The following ADAM12 variants were observed in gnomAD, a reference collection of about 807,000 sequenced individuals.
The protein encoded by ADAM12 is ADAM metallopeptidase domain 12.
In ADAM12, 70 loss-of-function variants were observed where a neutral mutation model predicts 106.4. The observed-to-expected ratio is 0.66, with a 90% CI of 0.54 to 0.80. ADAM12 has a LOEUF of 0.80. Among genes scored for constraint, ADAM12 ranks in the 30% least tolerant of loss-of-function variants. The pLI is 0.00. For missense variants in ADAM12, 1,010 were observed against 1,171.9 expected (o/e 0.86, Z 2.02); for synonymous variants, 420 against 433.5 (o/e 0.97, Z 0.39).
intron 6 of ADAM12, among the ~76,000 whole-genome samples, chr10:126,115,457 G>T (rs754586936): frequency 3.3e-5 from 5 of 152,186 alleles, no homozygotes; most frequent in Non-Finnish European, 7.3e-5. Context: ...AGCTGACTGT[G>T]ACGCTCCCTG....
Position 126,342,283 on chromosome 10 carries a change from A to C in ADAM12, c.89-11774T>G, listed in dbSNP as rs1042874193. 5.9e-5 allele frequency among the ~76,000 whole-genome samples: 9 copies of C among 152,194 alleles called. No individual in the cohort carries two copies. In the South Asian group the frequency reaches 1.7e-3, roughly 28 times the overall value. On this transcript the variant is annotated intron_variant, in intron 1 of 22. Coordinates refer to ENST00000448723, the MANE Select transcript of ADAM12 (RefSeq NM_001288973.2). The stretch of plus-strand genomic sequence containing the variant: ...AGGTAGGTGCTGACATGATTTTTAC[A>C]ACCTTTGATTTTCTAGCCATTGACT...
At chr10:126,368,990 T>C (rs1322918592) in intron 1 of ADAM12, among the ~76,000 whole-genome samples, 1 of 152,224 alleles carries the variant, frequency 6.6e-6, no homozygotes, top group Non-Finnish European at 1.5e-5. Flanking sequence ...TCACATTTTC[T>C]ACCCAATATG....
At chr10:126,082,363 GTTTTTTT>G (rs5788763) in intron 11 of ADAM12, among the ~76,000 whole-genome samples, 18 of 80,776 alleles carry the variant, frequency 2.2e-4, no homozygotes, top group East Asian at 1.9e-3. Context: ...TCTAATGACT[GTTTTTTT>G]TTTTTTTTTT....
intron 1 of ADAM12, among the ~76,000 whole-genome samples, chr10:126,376,237 T>C (rs1312529303): frequency 6.6e-6 from 1 of 152,190 alleles, no homozygotes; most frequent in African/African-American, 2.4e-5. Context: ...CACCTACCTA[T>C]GATTTGAATC....
At chr10:126,227,280 G>A (rs571370079) in intron 3 of ADAM12, among the ~76,000 whole-genome samples, 4 of 151,744 alleles carry the variant, frequency 2.6e-5, no homozygotes, top group East Asian at 3.9e-4. Context: ...CATCATCATC[G>A]TCACCATCAT....
chr10:126,115,757 AT>A (rs915696699), intron 6 of ADAM12, among the ~76,000 whole-genome samples: 19 of 151,832 alleles, frequency 1.3e-4, no homozygotes, highest in Admixed American at 3.3e-4. Flanking sequence ...CTTTCTATTG[AT>A]TTTTTTTTAA....
intron 3 of ADAM12, among the ~76,000 whole-genome samples, chr10:126,221,664 C>T (rs1958096941): frequency 6.6e-6 from 1 of 152,158 alleles, no homozygotes; most frequent in African/African-American, 2.4e-5. Context: ...GCTACTCATT[C>T]ATTGTTCGCA....
chr10:126,248,239 T>C (rs1958667940), intron 3 of ADAM12, among the ~76,000 whole-genome samples: 1 of 152,156 alleles, frequency 6.6e-6, no homozygotes, highest in South Asian at 2.1e-4. Flanking sequence ...CGACTTCACA[T>C]GTCAGGAATT....
intron 1 of ADAM12, among the ~76,000 whole-genome samples, chr10:126,340,936 T>G (rs985018272): frequency 6.6e-6 from 1 of 151,998 alleles, no homozygotes; most frequent in African/African-American, 2.4e-5. Flanking sequence ...AGGCTGGTCT[T>G]GAACTCCTGA....
intron 3 of ADAM12, among the ~76,000 whole-genome samples, chr10:126,182,164 G>A (rs1051980753): frequency 6.6e-6 from 1 of 152,192 alleles, no homozygotes; most frequent in Non-Finnish European, 1.5e-5. Context: ...GGTGGCTGGT[G>A]AGTTTCCTTT....
intron 1 of ADAM12, among the ~76,000 whole-genome samples, chr10:126,331,551 A>C (rs7081074): frequency 0.15 from 23,020 of 152,232 alleles, 2,123 homozygotes; most frequent in Middle Eastern, 0.28. Context: ...CCAAAGGATT[A>C]CTACTCCCGT....
intron 3 of ADAM12, among the ~76,000 whole-genome samples, chr10:126,170,751 T>C (rs1018454197): frequency 2.0e-5 from 3 of 152,250 alleles, no homozygotes; most frequent in Admixed American, 6.5e-5. Context: ...TTCTGTTTTC[T>C]TTGTTTTAAA....
In ADAM12 at chr10:126,049,988, G is replaced by GTAGGTGGCTGGC. The variant is rs1954435903; in HGVS notation, c.1610-320_1610-319insGCCAGCCACCTA. Reference sequence around the variant, plus strand: ...AGATCTGATCCAGGGCAGAAAGGAGGTGGCTGGCTGGCTGGCTGGCTGGCT... The same window carrying GTAGGTGGCTGGC: ...AGATCTGATCCAGGGCAGAAAGGAGGTAGGTGGCTGGCTGGCTGGCTGGCTGGCTGGCTGGCT... On this transcript the variant is annotated intron_variant, in intron 14 of 22. Transcript: ENST00000448723. This position sits in a 1 kb window ranked among gnomAD's most constrained non-coding sequence, Gnocchi z 4.4. Among the ~76,000 whole-genome samples the GTAGGTGGCTGGC allele has an allele frequency of 6.7e-6, 1 of 149,830 alleles. No individual in the cohort carries two copies. Among genetic ancestry groups the GTAGGTGGCTGGC allele is most frequent in the Non-Finnish European group, 1.5e-5 (1 of 67,350 alleles).
At chr10:126,377,006 T>C (rs1182004055) in intron 1 of ADAM12, among the ~76,000 whole-genome samples, 1 of 152,222 alleles carries the variant, frequency 6.6e-6, no homozygotes, top group African/African-American at 2.4e-5. Context: ...CATAGTTTGT[T>C]CAAGGTTTGG....
chr10:126,284,197 G>T (rs183787078), intron 2 of ADAM12, among the ~76,000 whole-genome samples: 1 of 151,988 alleles, frequency 6.6e-6, no homozygotes, highest in Admixed American at 6.5e-5. Flanking sequence ...GCTGGGTATG[G>T]TGCTGTGCTC....
chr10:126,068,529 A>G (rs574739635), intron 12 of ADAM12, among the ~76,000 whole-genome samples: 2 of 152,342 alleles, frequency 1.3e-5, no homozygotes, highest in African/African-American at 2.4e-5. Context: ...CTGGCATCCT[A>G]TTGACTTTAA....
At position 126,251,684 on chromosome 10, in the gene ADAM12, AGGATGGATGGGAT is replaced by A. The variant is rs1958764244; in HGVS notation, c.260+27218_260+27230del. ...GGAAGGATGGATGGATGGGATGGAG[AGGATGGATGGGAT>A]GGATGGATAGGATGGATGGATAGGA... On this transcript the variant is annotated intron_variant, in intron 3 of 22. Transcript: ENST00000448723. Among the ~76,000 whole-genome samples the A allele has an allele frequency of 2.9e-5, 4 of 138,124 alleles. No homozygotes were observed. The South Asian group carries it at 7.2e-4, about 25-fold the overall frequency. The allele number at this position is 138,124 out of a possible 152,430, so 90.6% of individuals were successfully genotyped here. A position where few individuals can be genotyped will look rare whatever the true frequency, so the allele number is the denominator to read the frequency against.
chr10:126,116,903 A>C (rs117644337), intron 6 of ADAM12, among the ~76,000 whole-genome samples: 1,606 of 152,296 alleles, frequency 0.011, 14 homozygotes, highest in Non-Finnish European at 0.018. Flanking sequence ...AATGATTTAG[A>C]ATGAACCAAG....
chr10:126,320,778 G>T (rs926555888), intron 2 of ADAM12, among the ~76,000 whole-genome samples: 1 of 152,060 alleles, frequency 6.6e-6, no homozygotes, highest in Non-Finnish European at 1.5e-5. Context: ...TCCCCAGAAT[G>T]TTCTCTCTCT....
Sources: allele counts gnomAD v4.1 joint callset (sites outside exome capture counted in the v4.1 genomes callset), GRCh38; gene constraint gnomAD v4.1.1; non-coding constraint Gnocchi (gnomAD v3.1); transcripts MANE v1.5; gene names NCBI Gene and HGNC (gene_info 2026-07-23, HGNC 2026-07-21).